Variants in BRD7 observed in about 807,000 individuals in gnomAD.
BRD7 encodes bromodomain containing 7, also known as bromodomain-containing protein 7.
In BRD7, 15 loss-of-function variants were observed where a neutral mutation model predicts 82.1. The observed-to-expected ratio is 0.18, with a 90% confidence interval of 0.12 to 0.28. The LOEUF (loss-of-function observed/expected upper bound fraction) is 0.28, where lower values mean the gene tolerates loss of function less well. BRD7 is among the 10% of genes least tolerant of loss of function. The pLI is 1.00. For missense variants in BRD7, 638 were observed against 779.9 expected (o/e 0.82, Z 2.17); for synonymous variants, 232 against 266.9 (o/e 0.87, Z 1.27).
rs1343674317 is a variant in BRD7, at chr16:50,318,129, ACT to A, written c.*1080_*1081del. 6.6e-6 allele frequency: 1 copy of A among 152,256 alleles called. No homozygotes were observed. The highest frequency in any genetic ancestry group is 1.5e-5 in the Non-Finnish European group (1 of 68,028). The allele number at this position is 152,256 out of a possible 1,614,324, so 9.4% of individuals were successfully genotyped here. A position where few individuals can be genotyped will look rare whatever the true frequency, so the allele number is the denominator to read the frequency against. ...ATACATTAAATTAGCAATTTGAAAA[ACT>A]CAAATATCTGAAGGTATTTTATTTT... On this transcript the variant is annotated 3_prime_UTR_variant, in exon 17 of 17. Coordinates refer to ENST00000394688, the MANE Select transcript of BRD7 (RefSeq NM_013263.5).
intron 5 of BRD7, among the ~76,000 whole-genome samples, chr16:50,340,666 T>C (rs2038009990): frequency 6.6e-6 from 1 of 152,224 alleles, no homozygotes; most frequent in Non-Finnish European, 1.5e-5. Context: ...AAACATAATT[T>C]GCAGAATGTT....
At chr16:50,332,710 C>A (rs957691922) in intron 8 of BRD7, among the ~76,000 whole-genome samples, 1 of 152,172 alleles carries the variant, frequency 6.6e-6, no homozygotes, top group Admixed American at 6.5e-5. Flanking sequence ...CTGTGCACAA[C>A]AAAGACACAG....
chr16:50,328,597 A>T, intron 9 of BRD7, 72 bp downstream of exon 9: 1 of 1,347,126 alleles, frequency 7.4e-7, no homozygotes, highest in Non-Finnish European at 1.0e-6. Context: ...TTGTTGCTTT[A>T]AAATGTTAAC....
At position 50,316,420 on chromosome 16, in the gene BRD7, G is replaced by A. The variant is rs56018511; in HGVS notation, c.*2791C>T. 0.016 allele frequency: 2,484 copies of A among 152,432 alleles called. 38 individuals are homozygous for A. The highest frequency in any genetic ancestry group is 0.023 in the Non-Finnish European group (1,555 of 68,018). 9.4% of individuals were successfully genotyped at this position (152,432 alleles called of 1,614,324 possible). On this transcript the variant is annotated 3_prime_UTR_variant, in exon 17 of 17. Transcript: ENST00000394688. ...TCCTTGATTACTCACACATCTTTGC[G>A]TTCTCCCCTGCCGTCCTTCAACTGT...
intron 5 of BRD7, among the ~76,000 whole-genome samples, chr16:50,346,781 C>G (rs2038302140): frequency 6.6e-6 from 1 of 151,912 alleles, no homozygotes; most frequent in Non-Finnish European, 1.5e-5. Context: ...GCCTACCAAC[C>G]AAAAAAAGTC....
chr16:50,342,252 C>A (rs1008216675), intron 5 of BRD7, among the ~76,000 whole-genome samples: 1 of 151,928 alleles, frequency 6.6e-6, no homozygotes, highest in African/African-American at 2.4e-5. Flanking sequence ...CTGAAATAAA[C>A]GGTTTTAGCC....
At chr16:50,338,485 T>C (rs993963459) in intron 6 of BRD7, among the ~76,000 whole-genome samples, 7 of 152,182 alleles carry the variant, frequency 4.6e-5, no homozygotes, top group Admixed American at 4.6e-4. Flanking sequence ...TACAGAAAAA[T>C]GAATCACCAT....
chr16:50,318,965 T>C lies in BRD7; in HGVS notation c.*246A>G, dbSNP rs530945516. On this transcript the variant is annotated 3_prime_UTR_variant, in exon 17 of 17. Coordinates refer to ENST00000394688, the MANE Select transcript of BRD7 (RefSeq NM_013263.5). ...GTCTGTGGGACATAAGGAAGAAGCA[T>C]TGGAAGGCACTATTTTGAAAGAATG... 1.6e-4 allele frequency: 68 copies of C among 420,428 alleles called. No individual in the cohort carries two copies. The highest frequency in any genetic ancestry group is 3.7e-4 in the African/African-American group (18 of 48,338). The allele number at this position is 420,428 out of a possible 1,614,324, so 26.0% of individuals were successfully genotyped here. A position where few individuals can be genotyped will look rare whatever the true frequency, so the allele number is the denominator to read the frequency against.
intron 5 of BRD7, among the ~76,000 whole-genome samples, chr16:50,346,419 C>G (rs1328388143): frequency 6.6e-6 from 1 of 152,026 alleles, no homozygotes; most frequent in African/African-American, 2.4e-5. Context: ...TAACTAAGAT[C>G]AGAGCAGAAC....
At chr16:50,319,348 C>A in intron 16 of BRD7, 82 bp from the exon 17 acceptor site, 1 of 1,373,844 alleles carries the variant, frequency 7.3e-7, no homozygotes, top group Non-Finnish European at 1.0e-6. Flanking sequence ...AGCTGCCATC[C>A]AGAAGCATAA....
intron 7 of BRD7, among the ~76,000 whole-genome samples, chr16:50,333,935 G>GT (rs1567608037): frequency 6.6e-6 from 1 of 152,080 alleles, no homozygotes; most frequent in Non-Finnish European, 1.5e-5. Context: ...TGTGTTAAAC[G>GT]TTTTTCTGGG....
At chr16:50,337,361 A>C (rs1372075834) in intron 6 of BRD7, among the ~76,000 whole-genome samples, 4 of 150,124 alleles carry the variant, frequency 2.7e-5, no homozygotes, top group African/African-American at 9.8e-5. Context: ...CCCAGGTTCA[A>C]GCGATTCTCC....
At chr16:50,338,977 T>C (rs1286631096) in intron 6 of BRD7, among the ~76,000 whole-genome samples, 1 of 152,214 alleles carries the variant, frequency 6.6e-6, no homozygotes, top group Non-Finnish European at 1.5e-5. Flanking sequence ...CGAGTTATTT[T>C]CTCCAGCGGA....
intron 2 of BRD7, among the ~76,000 whole-genome samples, chr16:50,355,549 C>T (rs2038699123): frequency 6.6e-6 from 1 of 152,174 alleles, no homozygotes; most frequent in African/African-American, 2.4e-5. Context: ...CAGAAACAGA[C>T]CCATGTACAT....
intron 2 of BRD7, among the ~76,000 whole-genome samples, chr16:50,359,934 G>A (rs989025415): frequency 9.2e-5 from 14 of 152,164 alleles, no homozygotes; most frequent in Admixed American, 3.9e-4. Context: ...TCTGAGGCAG[G>A]AGAAAGGAAG....
intron 11 of BRD7, among the ~76,000 whole-genome samples, chr16:50,324,908 G>A (rs373057268): frequency 6.6e-6 from 1 of 152,154 alleles, no homozygotes; most frequent in South Asian, 2.1e-4. Flanking sequence ...TAAATGGCTT[G>A]ATCTGAAACC....
Position 50,326,909 on chromosome 16 carries a change from C to T in BRD7, c.1088-518G>A, listed in dbSNP as rs573484810. On this transcript the variant is annotated intron_variant, in intron 9 of 16. Transcript: ENST00000394688. ...GAATACGTGACATAGAGAAATGTCA[C>T]GTATGGGCACCTGAGGGGACTGCAA... 2.6e-5 allele frequency among the ~76,000 whole-genome samples: 4 copies of T among 152,252 alleles called. No homozygotes were observed. The South Asian group carries it at 8.3e-4, about 32-fold the overall frequency.
rs2036829248 is a variant in BRD7, at chr16:50,316,989, A to G, written c.*2222T>C. ...TACAGGGTTGCAGATTGGGTGACTG[A>G]CCAGACTTGTTGGGGTCCTGGGATG... is the stretch of plus-strand genomic sequence containing the variant. On this transcript the variant is annotated 3_prime_UTR_variant, in exon 17 of 17. Coordinates refer to ENST00000394688, the MANE Select transcript of BRD7 (RefSeq NM_013263.5). The G allele has an allele frequency of 6.5e-6, 1 of 152,734 alleles. No homozygotes were observed. The highest frequency in any genetic ancestry group is 2.4e-5 in the African/African-American group (1 of 41,428). The allele number at this position is 152,734 out of a possible 1,614,324, so 9.5% of individuals were successfully genotyped here.
In BRD7 at chr16:50,318,999, G is replaced by A. The variant is rs2036948526; in HGVS notation, c.*212C>T. The A allele has an allele frequency of 1.9e-6, 1 of 538,944 alleles. No individual in the cohort carries two copies. Among genetic ancestry groups the A allele is most frequent in the Admixed American group, 3.6e-5 (1 of 27,524 alleles). The allele number at this position is 538,944 out of a possible 1,614,324, so 33.4% of individuals were successfully genotyped here. Reference sequence around the variant, plus strand: ...ACTATTTTGAAAGAATGCTGCACAGGTATGGCAACAGCCCCAAGCACATTC... The same window carrying A: ...ACTATTTTGAAAGAATGCTGCACAGATATGGCAACAGCCCCAAGCACATTC... On this transcript the variant is annotated 3_prime_UTR_variant, in exon 17 of 17. Coordinates refer to ENST00000394688, the MANE Select transcript of BRD7 (RefSeq NM_013263.5).
Sources: gnomAD v4.1 joint callset for allele counts (sites outside exome capture counted in the v4.1 genomes callset) on GRCh38, gnomAD v4.1.1 for gene constraint, MANE v1.5 for transcripts, NCBI Gene and HGNC (gene_info 2026-07-23, HGNC 2026-07-21) for gene names.